The following PTCH1 variants were observed in gnomAD, a reference collection of about 807,000 sequenced individuals.
The protein encoded by PTCH1 is protein patched homolog 1.
In PTCH1, 14 loss-of-function variants were observed where a neutral mutation model predicts 144.6. The observed-to-expected ratio is 0.10, with a 90% confidence interval of 0.06 to 0.15. PTCH1 has a LOEUF of 0.15. Among genes scored for constraint, PTCH1 ranks in the 10% least tolerant of loss-of-function variants. The pLI, the probability that PTCH1 is intolerant of heterozygous loss-of-function variation, is 1.00. For missense variants in PTCH1, 1,623 were observed against 1,948.3 expected, an observed-to-expected ratio of 0.83 and a Z score of 3.14; for synonymous variants, 833 against 793.6, an observed-to-expected ratio of 1.05 and a Z score of -0.83.
rs45602737 is a variant in PTCH1, at chr9:95,458,337, G to A, written c.2888-44C>T. On this transcript the variant is annotated intron_variant, in intron 17 of 23. Transcript: ENST00000331920. This position sits in a 1 kb window ranked among gnomAD's most constrained non-coding sequence, Gnocchi z 4.7. ...AGGTTAGGAGCAGCCCAGGGTAGAA[G>A]AGCATCACAGTTTCAATGGAAAGAG... 1,894 of 1,600,304 alleles carry A rather than the reference G, an allele frequency of 1.2e-3. 1 individual carries two copies. Among genetic ancestry groups the A allele is most frequent in the Non-Finnish European group, 1.4e-3 (1,608 of 1,172,662 alleles).
intron 15 of PTCH1, among the ~76,000 whole-genome samples, chr9:95,462,544 G>A (rs565762806): frequency 2.0e-5 from 3 of 152,318 alleles, no homozygotes; most frequent in Non-Finnish European, 2.9e-5. Flanking sequence ...TGTGGGATCC[G>A]CTGCCAGGTT....
At chr9:95,496,702 G>A (rs1842814280) in intron 2 of PTCH1, among the ~76,000 whole-genome samples, 8 of 151,982 alleles carry the variant, frequency 5.3e-5, no homozygotes, top group Admixed American at 4.6e-4. Flanking sequence ...ATCATGTGTA[G>A]ACCAAAATGA....
rs2118265224 is a variant in PTCH1 at position 95,476,188 on chromosome 9, G to A, written c.1603-29C>T. The A allele has an allele frequency of 6.2e-7, 1 of 1,602,626 alleles. No individual in the cohort carries two copies. Among genetic ancestry groups the A allele is most frequent in the Non-Finnish European group, 8.5e-7 (1 of 1,175,618 alleles). On this transcript the variant is annotated intron_variant, in intron 11 of 23. Transcript: ENST00000331920. This position sits in a 1 kb window ranked among gnomAD's most constrained non-coding sequence, Gnocchi z 4.6. Reference sequence around the variant, plus strand: ...GGAATAAAAAAACACAGCGCTGAGAGCTGCACTGGACATGGTCCCCTTGGA... The same window carrying A: ...GGAATAAAAAAACACAGCGCTGAGAACTGCACTGGACATGGTCCCCTTGGA...
chr9:95,450,143 C>T (rs1838338452), intron 20 of PTCH1: 2 of 610,544 alleles, frequency 3.3e-6, no homozygotes, highest in Non-Finnish European at 5.9e-6. Context: ...TTGAGGACTA[C>T]ATTCCACAAC....
chr9:95,516,506 C>T, exon 1 of PTCH1: 1 of 1,536,780 alleles, frequency 6.5e-7, no homozygotes, highest in Non-Finnish European at 8.7e-7. Context: ...AGCGCGGGTG[C>T]CGATGGCGCG....
At chr9:95,513,273 A>G (rs920964073), upstream of PTCH1, among the ~76,000 whole-genome samples, 9 of 152,208 alleles carry the variant, frequency 5.9e-5, no homozygotes, top group South Asian at 6.2e-4. Flanking sequence ...TTAAAATCCA[A>G]TGTAATTTGG....
At position 95,506,380 on chromosome 9, in the gene PTCH1, CGCGGGCGCCGCG is replaced by C. The variant is rs762616418; in HGVS notation, c.394+15_394+26del. The C allele has an allele frequency of 2.6e-5, 41 of 1,605,478 alleles. No individual in the cohort carries two copies. Among genetic ancestry groups the C allele is most frequent in the Middle Eastern group, 4.4e-4 (2 of 4,512 alleles). ...CCGCGAGGAGGGACCGGGCCGGGGG[CGCGGGCGCCGCG>C]GCGGGCGCTCTTACCTTCCACCCAC... On this transcript the variant is annotated intron_variant, in intron 2 of 23. Coordinates refer to ENST00000331920, the MANE Select transcript of PTCH1 (RefSeq NM_000264.5).
chr9:95,510,742 GAAGAAAGA>G (rs143988853), upstream of PTCH1, among the ~76,000 whole-genome samples: 8 of 151,108 alleles, frequency 5.3e-5, no homozygotes, highest in African/African-American at 1.9e-4. Context: ...GAAAAAAAAA[GAAGAAAGA>G]AAGGAAAGGA....
rs767947110 is a variant in PTCH1, at chr9:95,469,008, G to A, written c.1993C>T (p.Arg665Cys). ...TGCGTGTGGGGGTCGTACTCCGTGC[G>A]GAGCTGGACAGTGGACTGCATGGTA... ...QITMQSTVQL[R>C]TEYDPHTHVY... The change falls in exon 14 of 24, where the codon CGC (arginine) becomes TGC (cysteine). Residue 665 changes from arginine (R) to cysteine (C), a missense_variant. Coordinates refer to ENST00000331920, the MANE Select transcript of PTCH1 (RefSeq NM_000264.5). 7 of 1,613,970 alleles carry A rather than the reference G, an allele frequency of 4.3e-6. No individual in the cohort carries two copies. The highest frequency in any genetic ancestry group is 1.1e-5 in the South Asian group (1 of 91,076).
At chr9:95,498,869 A>G (rs921428154) in intron 2 of PTCH1, among the ~76,000 whole-genome samples, 17 of 152,208 alleles carry the variant, frequency 1.1e-4, no homozygotes, top group African/African-American at 4.1e-4. Flanking sequence ...GATGTCAACC[A>G]AGACCTCTCG....
intron 15 of PTCH1, among the ~76,000 whole-genome samples, chr9:95,466,695 T>C (rs1217057746): frequency 2.0e-5 from 3 of 152,218 alleles, no homozygotes; most frequent in Non-Finnish European, 2.9e-5. Flanking sequence ...AGTGTAAGAC[T>C]ATGTCCACTG....
intron 8 of PTCH1, 72 bp from the exon 9 acceptor site, chr9:95,478,258 C>T: frequency 6.2e-7 from 1 of 1,600,540 alleles, no homozygotes. Flanking sequence ...GCACAGATCT[C>T]AGGTGACACA....
At chr9:95,493,003 G>C (rs1047457047) in intron 2 of PTCH1, among the ~76,000 whole-genome samples, 3 of 152,098 alleles carry the variant, frequency 2.0e-5, no homozygotes, top group Non-Finnish European at 2.9e-5. Context: ...CCAATTCTTT[G>C]AAAGGCAAAA....
chr9:95,474,775 A>G (rs879524805), intron 12 of PTCH1, among the ~76,000 whole-genome samples: 1 of 152,216 alleles, frequency 6.6e-6, no homozygotes, highest in African/African-American at 2.4e-5. Flanking sequence ...AGAGCTAAAC[A>G]TATTGACAAA....
intron 5 of PTCH1, 108 bp from the exon 6 acceptor site, chr9:95,480,696 G>C: frequency 8.7e-7 from 1 of 1,155,062 alleles, no homozygotes; most frequent in East Asian, 2.5e-5. Context: ...TCCTGGCAAT[G>C]CTGCAGTTCT....
intron 20 of PTCH1, chr9:95,452,200 T>C (rs1838514146): frequency 6.6e-6 from 1 of 152,236 alleles, no homozygotes; most frequent in South Asian, 2.1e-4. Flanking sequence ...TGATGCCAAA[T>C]TGCCCAGTGG....
Position 95,516,409 on chromosome 9 carries a change from CGA to C in PTCH1, c.3+58_3+59del, listed in dbSNP as rs948705319. On this transcript the variant is annotated intron_variant, in intron 1 of 22. Transcript: ENST00000430669. ...CGCGTCCCCGTGTCCCCGCGCCGCC[CGA>C]GGAGCACGGCGCGCGAGGCGAGGTG... 133 of 1,287,072 alleles carry C rather than the reference CGA, an allele frequency of 1.0e-4. No homozygotes were observed. The African/African-American group carries it at 1.9e-3, about 18-fold the overall frequency. 79.7% of individuals were successfully genotyped at this position (1,287,072 alleles called of 1,614,324 possible).
rs755042462 is a variant in PTCH1, at chr9:95,480,432, A to G, written c.903T>C (p.Asp301=). 1.9e-6 allele frequency: 3 copies of G among 1,610,740 alleles called. No individual in the cohort carries two copies. Among genetic ancestry groups the G allele is most frequent in the Admixed American group, 1.7e-5 (1 of 59,478 alleles). ...YMDRPCLNPA[D]PDCPATAPNK... ...TGGGGGCTGTGGCGGGGCAGTCTGGATCGGCCGGATTGAGGCAGGGGCGGT... is the reference window on the plus strand; with the variant it reads ...TGGGGGCTGTGGCGGGGCAGTCTGGGTCGGCCGGATTGAGGCAGGGGCGGT... Residue 301 remains aspartate (D), a synonymous_variant, in exon 6 of 24, where the codon GAT becomes GAC. Transcript: ENST00000331920.
chr9:95,453,757 G>T, intron 19 of PTCH1, 137 bp from the exon 20 acceptor site: 1 of 1,168,614 alleles, frequency 8.6e-7, no homozygotes, highest in Non-Finnish European at 1.2e-6. Context: ...AATCAGAGTA[G>T]CTCAACTAGC....
Sources: allele counts gnomAD v4.1 joint callset (sites outside exome capture counted in the v4.1 genomes callset), GRCh38; gene constraint gnomAD v4.1.1; non-coding constraint Gnocchi (gnomAD v3.1); transcripts MANE v1.5; gene names NCBI Gene and HGNC (gene_info 2026-07-23, HGNC 2026-07-21).